Variants in DLGAP2 observed in about 807,000 individuals in gnomAD.
DLGAP2 encodes the protein disks large-associated protein 2.
In DLGAP2, 26 loss-of-function variants were observed where a neutral mutation model predicts 100.3. The ratio of observed to expected loss-of-function variants is 0.26; its 90% CI spans 0.19 to 0.36. The LOEUF (loss-of-function observed/expected upper bound fraction) is 0.36. Among genes scored for constraint, DLGAP2 ranks in the 10% least tolerant of loss-of-function variants. The pLI, the probability that DLGAP2 is intolerant of heterozygous loss-of-function variation, is 1.00. For missense variants in DLGAP2, 1,858 were observed against 1,453.2 expected (o/e 1.28, Z -4.53); for synonymous variants, 886 against 630.1 (o/e 1.41, Z -6.08).
intron 2 of DLGAP2, among the ~76,000 whole-genome samples, chr8:1,088,407 G>C (rs1190177272): frequency 6.6e-6 from 1 of 152,124 alleles, no homozygotes; most frequent in African/African-American, 2.4e-5. Context: ...TCATCTGCGT[G>C]CTGTTGGCTG....
intron 6 of DLGAP2, among the ~76,000 whole-genome samples, chr8:1,586,677 G>A (rs536913531): frequency 1.1e-4 from 16 of 152,326 alleles, no homozygotes; most frequent in African/African-American, 3.4e-4. Flanking sequence ...TACCACGTGC[G>A]TCCTTCTGTG....
intron 3 of DLGAP2, among the ~76,000 whole-genome samples, chr8:1,371,476 C>A (rs535778389): frequency 6.6e-6 from 1 of 152,136 alleles, no homozygotes; most frequent in Non-Finnish European, 1.5e-5. Context: ...CTGCCCAGCG[C>A]GTTGCTGCCC....
chr8:1,622,225 G>C (rs887292830), intron 6 of DLGAP2: 3 of 152,146 alleles, frequency 2.0e-5, no homozygotes, highest in East Asian at 3.9e-4. Context: ...CTTATATTTG[G>C]GAGCTTCTCC....
At chr8:843,068 C>T (rs1301931102) in intron 1 of DLGAP2, among the ~76,000 whole-genome samples, 7 of 152,102 alleles carry the variant, frequency 4.6e-5, no homozygotes, top group Non-Finnish European at 5.9e-5. Flanking sequence ...GGGTGTTATT[C>T]GGCTTTTTTG....
intron 2 of DLGAP2, among the ~76,000 whole-genome samples, chr8:1,228,902 C>T (rs1217807702): frequency 6.6e-6 from 1 of 152,048 alleles, no homozygotes; most frequent in Non-Finnish European, 1.5e-5. Context: ...TACTTCTATT[C>T]AACATTGTAC....
chr8:1,499,495 G>A (rs766509909), intron 3 of DLGAP2, among the ~76,000 whole-genome samples: 6 of 152,192 alleles, frequency 3.9e-5, no homozygotes, highest in Non-Finnish European at 5.9e-5. Flanking sequence ...GTTAATTAGA[G>A]CTGTCCATCA....
At chr8:1,590,509 G>T (rs768722624) in intron 6 of DLGAP2, among the ~76,000 whole-genome samples, 1 of 152,162 alleles carries the variant, frequency 6.6e-6, no homozygotes, top group Non-Finnish European at 1.5e-5. Context: ...GGGAAGCACG[G>T]ATTACTCAGC....
intron 1 of DLGAP2, among the ~76,000 whole-genome samples, chr8:757,941 C>T (rs768216798): frequency 1.1e-4 from 17 of 152,126 alleles, no homozygotes; most frequent in South Asian, 2.1e-4. Context: ...TGCTGGGCGG[C>T]GTGGGGCAAG....
chr8:1,287,508 A>C (rs1799960165), intron 3 of DLGAP2, among the ~76,000 whole-genome samples: 1 of 60,214 alleles, frequency 1.7e-5, no homozygotes, highest in African/African-American at 1.1e-4. Flanking sequence ...TTCTGTTAGG[A>C]GGGGAACTAG....
At chr8:909,149 A>G (rs1279620185) in intron 2 of DLGAP2, among the ~76,000 whole-genome samples, 1 of 152,228 alleles carries the variant, frequency 6.6e-6, no homozygotes, top group Non-Finnish European at 1.5e-5. Context: ...AGTGTGTCTC[A>G]GCTACGAGTT....
chr8:1,037,144 G>A (rs1802151442), intron 2 of DLGAP2, among the ~76,000 whole-genome samples: 2 of 152,236 alleles, frequency 1.3e-5, no homozygotes, highest in Non-Finnish European at 2.9e-5. Flanking sequence ...AATCCGAGGT[G>A]GATTCAGTCC....
chr8:1,415,362 A>G (rs1055691282), intron 3 of DLGAP2, among the ~76,000 whole-genome samples: 2 of 152,008 alleles, frequency 1.3e-5, no homozygotes, highest in South Asian at 2.1e-4. Context: ...AGTTTGTTAC[A>G]TGGATTTATT....
chr8:741,057 T>G (rs1211863007), intron 1 of DLGAP2, among the ~76,000 whole-genome samples: 1 of 152,244 alleles, frequency 6.6e-6, no homozygotes, highest in Non-Finnish European at 1.5e-5. Flanking sequence ...AACCGTAGTT[T>G]TACCAACTAG....
chr8:747,482 C>A (rs112898970), intron 1 of DLGAP2, among the ~76,000 whole-genome samples: 2 of 145,534 alleles, frequency 1.4e-5, no homozygotes, highest in Non-Finnish European at 3.0e-5. Context: ...GGACAGGCCA[C>A]GTTCCAGCCG....
intron 3 of DLGAP2, among the ~76,000 whole-genome samples, chr8:1,445,178 G>T (rs1797950622): frequency 6.7e-6 from 1 of 149,630 alleles, no homozygotes; most frequent in South Asian, 2.1e-4. Flanking sequence ...ATGCTGGTGT[G>T]CTGCACCCAT....
chr8:1,040,308 GCA>G (rs1802298695), intron 2 of DLGAP2, among the ~76,000 whole-genome samples: 1 of 141,706 alleles, frequency 7.1e-6, no homozygotes, highest in African/African-American at 2.7e-5. Context: ...AGCTCGGTGT[GCA>G]TGGTCGGCTC....
intron 3 of DLGAP2, among the ~76,000 whole-genome samples, chr8:1,472,613 C>G (rs1359937402): frequency 6.6e-6 from 1 of 152,108 alleles, no homozygotes; most frequent in East Asian, 1.9e-4. Flanking sequence ...ATGATGTAAA[C>G]AATCCTCAAG....
intron 2 of DLGAP2, among the ~76,000 whole-genome samples, chr8:1,029,678 C>T (rs778667736): frequency 6.6e-6 from 1 of 152,040 alleles, no homozygotes; most frequent in Non-Finnish European, 1.5e-5. Context: ...AGAAGAGTAA[C>T]TGGGTTAGAG....
At chr8:1,306,089 A>G (rs1241956203) in intron 3 of DLGAP2, among the ~76,000 whole-genome samples, 27 of 120,864 alleles carry the variant, frequency 2.2e-4, no homozygotes, top group African/African-American at 7.6e-4. Context: ...AAAAAAAAAA[A>G]AAAGAGAGAG....
Sources: allele counts gnomAD v4.1 joint callset (sites outside exome capture counted in the v4.1 genomes callset), GRCh38; gene constraint gnomAD v4.1.1; transcripts MANE v1.5; gene names NCBI Gene and HGNC (gene_info 2026-07-23, HGNC 2026-07-21).